The following CYP4F2 variants were observed in gnomAD, a reference collection of about 807,000 sequenced individuals.
The protein encoded by CYP4F2 is cytochrome P450 4F2.
A neutral mutation model predicts 58.9 loss-of-function variants in CYP4F2; 58 were observed. The ratio of observed to expected loss-of-function variants is 0.98; its 90% confidence interval spans 0.80 to 1.23. The LOEUF (loss-of-function observed/expected upper bound fraction) is 1.23, where lower values mean the gene tolerates loss of function less well. CYP4F2 is among the 50% of genes most tolerant of loss of function. The probability of loss-of-function intolerance (pLI) is 0.00; values close to 1 mark genes in which losing one functional copy is unlikely to be tolerated. For synonymous variants in CYP4F2, 287 were observed against 261.1 expected (o/e 1.10, Z -0.95); for missense variants, 616 against 685.6 (o/e 0.90, Z 1.13).
At chr19:15,897,370 T>C (rs769496384) in intron 2 of CYP4F2, 44 bp downstream of exon 2, 1 of 1,562,712 alleles carries the variant, frequency 6.4e-7, no homozygotes, top group Non-Finnish European at 8.8e-7. Flanking sequence ...CCTCAGGAAG[T>C]CCATCCATCC....
At chr19:15,896,135 A>G (rs1363104554) in intron 2 of CYP4F2, among the ~76,000 whole-genome samples, 2 of 151,732 alleles carry the variant, frequency 1.3e-5, no homozygotes, top group Non-Finnish European at 2.9e-5. Context: ...GTGTCCATGC[A>G]TCCATCTATT....
chr19:15,892,518 C>T lies in CYP4F2; in HGVS notation c.397+11G>A, dbSNP rs767327150. The T allele has an allele frequency of 6.8e-6, 11 of 1,613,952 alleles. No homozygotes were observed. The South Asian group carries it at 1.2e-4, about 18-fold the overall frequency. ...CGTTTTTCCCAACCCTGTTCACCTG[C>T]AGATACTCACCCAGCCAGGGCTCCA... On this transcript the variant is annotated intron_variant, in intron 4 of 12. Transcript: ENST00000221700.
At chr19:15,890,643 C>T (rs1204055450) in intron 5 of CYP4F2, among the ~76,000 whole-genome samples, 1 of 152,220 alleles carries the variant, frequency 6.6e-6, no homozygotes, top group Non-Finnish European at 1.5e-5. Flanking sequence ...GAACTAGGTT[C>T]AAGTTCCAGC....
intron 5 of CYP4F2, among the ~76,000 whole-genome samples, chr19:15,891,521 C>G (rs888470033): frequency 2.0e-5 from 3 of 152,076 alleles, no homozygotes; most frequent in African/African-American, 7.2e-5. Flanking sequence ...CCCTTCCTGC[C>G]ATATCCACAC....
rs751935747 is a variant in CYP4F2, at chr19:15,879,411, G to T, written c.1332C>A (p.Arg444=). 3 of 1,614,172 alleles carry T rather than the reference G, an allele frequency of 1.9e-6. No homozygotes were observed. Among genetic ancestry groups the T allele is most frequent in the South Asian group, 2.2e-5 (2 of 91,080 alleles). ...TCTCCTTGATGTTCTCTGGGTCAAA[G>T]CGAAAGGGGTCGTAGACCTGGAGGT... ...WPDPEVYDPF[R]FDPENIKERS... The change falls in exon 12 of 13, where the codon CGC becomes CGA. Residue 444 remains arginine, a synonymous_variant. Transcript: ENST00000221700.
chr19:15,896,313 C>A (rs2089448499), intron 2 of CYP4F2, among the ~76,000 whole-genome samples: 1 of 152,084 alleles, frequency 6.6e-6, no homozygotes, highest in East Asian at 1.9e-4. Flanking sequence ...TATCCACATT[C>A]CTCCTGCTCT....
chr19:15,883,702 T>G (rs2089358495), intron 9 of CYP4F2, among the ~76,000 whole-genome samples: 1 of 152,224 alleles, frequency 6.6e-6, no homozygotes, highest in Non-Finnish European at 1.5e-5. Context: ...CCGTATTTAT[T>G]GCAGCACTAT....
At chr19:15,887,368 A>G (rs1286940747) in intron 7 of CYP4F2, among the ~76,000 whole-genome samples, 2 of 151,376 alleles carry the variant, frequency 1.3e-5, no homozygotes, top group East Asian at 2.0e-4. Context: ...AGACACAGAC[A>G]TACGCACACA....
At chr19:15,888,800 G>A (rs1434796382) in intron 7 of CYP4F2, among the ~76,000 whole-genome samples, 4 of 152,004 alleles carry the variant, frequency 2.6e-5, no homozygotes, top group Non-Finnish European at 4.4e-5. Flanking sequence ...AGCCATAGAC[G>A]AAGACATAGT....
chr19:15,889,416 G>A lies in CYP4F2; in HGVS notation c.918+7C>T. 6 of 1,613,650 alleles carry A rather than the reference G, an allele frequency of 3.7e-6. No homozygotes were observed. Among genetic ancestry groups the A allele is most frequent in the Non-Finnish European group, 5.1e-6 (6 of 1,179,744 alleles). ...ACTTCTTGAATTCAGATCCCAGAGA[G>A]GCCCACCTTGCTCAGCAGGAGTACA... On this transcript the variant is annotated splice_region_variant and intron_variant, in intron 7 of 12. Coordinates refer to ENST00000221700, the MANE Select transcript of CYP4F2 (RefSeq NM_001082.5).
At chr19:15,890,197 G>A (rs904057175) in intron 6 of CYP4F2, 115 bp downstream of exon 6, 13 of 1,542,774 alleles carry the variant, frequency 8.4e-6, no homozygotes, top group African/African-American at 6.8e-5. Flanking sequence ...CAATGATCAG[G>A]TATAACAAAA....
At position 15,882,819 on chromosome 19, in the gene CYP4F2, C is replaced by T. The variant is rs2089353498; in HGVS notation, c.1116-2922G>A. ...AACTGCGTCTATTTTGTATAGTTTT[C>T]TTTACAAAGAAAAACACAGTATGTG... On this transcript the variant is annotated intron_variant, in intron 9 of 12. Coordinates refer to ENST00000221700, the MANE Select transcript of CYP4F2 (RefSeq NM_001082.5). Among the ~76,000 whole-genome samples the T allele has an allele frequency of 2.0e-5, 3 of 152,086 alleles. No homozygotes were observed. In the South Asian group the frequency reaches 6.2e-4, roughly 31 times the overall value.
chr19:15,892,942 T>C (rs1808250), intron 3 of CYP4F2, among the ~76,000 whole-genome samples: 7,924 of 152,176 alleles, frequency 0.052, 216 homozygotes, highest in Non-Finnish European at 0.06. Flanking sequence ...GTCCCAGCAC[T>C]CTCTGACATC....
At chr19:15,896,503 A>C (rs1265772106) in intron 2 of CYP4F2, among the ~76,000 whole-genome samples, 1 of 152,216 alleles carries the variant, frequency 6.6e-6, no homozygotes, top group Non-Finnish European at 1.5e-5. Context: ...TGTGGGGAGC[A>C]GTATCGCCTC....
At chr19:15,885,124 C>T (rs2089369279) in intron 9 of CYP4F2, among the ~76,000 whole-genome samples, 1 of 151,806 alleles carries the variant, frequency 6.6e-6, no homozygotes, top group South Asian at 2.1e-4. Context: ...CCTCGCTCTC[C>T]TCTCTCTCTT....
chr19:15,887,747 T>A (rs1425182725), intron 7 of CYP4F2, among the ~76,000 whole-genome samples: 54 of 147,532 alleles, frequency 3.7e-4, no homozygotes, highest in African/African-American at 1.3e-3. Flanking sequence ...GACACACAAA[T>A]ACACGTAAAC....
At chr19:15,887,391 C>T (rs539880142) in intron 7 of CYP4F2, among the ~76,000 whole-genome samples, 4 of 150,604 alleles carry the variant, frequency 2.7e-5, no homozygotes, top group Admixed American at 2.6e-4. Context: ...CACAAAAACA[C>T]AGACTTAGAA....
chr19:15,883,515 C>T (rs572829982), intron 9 of CYP4F2, among the ~76,000 whole-genome samples: 1 of 152,306 alleles, frequency 6.6e-6, no homozygotes, highest in South Asian at 2.1e-4. Flanking sequence ...GGAACTCTCA[C>T]ACACTGTTGG....
chr19:15,879,499 T>G (rs565151951), intron 11 of CYP4F2, 71 bp from the exon 12 acceptor site: 8 of 1,607,382 alleles, frequency 5.0e-6, no homozygotes, highest in Middle Eastern at 1.7e-4. Flanking sequence ...GACAGACAGT[T>G]GTGTGTGTCT....
Sources: gnomAD v4.1 joint callset for allele counts (sites outside exome capture counted in the v4.1 genomes callset) on GRCh38, gnomAD v4.1.1 for gene constraint, MANE v1.5 for transcripts, NCBI Gene and HGNC (gene_info 2026-07-23, HGNC 2026-07-21) for gene names.